The following NRXN3 variants were observed in gnomAD, a reference collection of about 807,000 sequenced individuals.
NRXN3 encodes the protein neurexin III.
In NRXN3, 32 loss-of-function variants were observed where a neutral mutation model predicts 137.6. That is an observed-to-expected ratio of 0.23 (90% CI 0.18 to 0.31). The LOEUF (loss-of-function observed/expected upper bound fraction) is 0.31, where lower values mean the gene tolerates loss of function less well. NRXN3 is among the 10% of genes least tolerant of loss of function. NRXN3 has a pLI of 1.00. For missense variants in NRXN3, 1,574 were observed against 2,062.5 expected, an observed-to-expected ratio of 0.76 and a Z score of 4.59; for synonymous variants, 798 against 784.5, an observed-to-expected ratio of 1.02 and a Z score of -0.29.
intron 15 of NRXN3, among the ~76,000 whole-genome samples, chr14:79,408,578 C>T (rs2095357289): frequency 6.6e-6 from 1 of 152,058 alleles, no homozygotes. Flanking sequence ...GCATTTGCAG[C>T]CACCCAATGA....
At chr14:78,531,797 C>G (rs1209546100) in intron 4 of NRXN3, among the ~76,000 whole-genome samples, 1 of 152,104 alleles carries the variant, frequency 6.6e-6, no homozygotes, top group Non-Finnish European at 1.5e-5. Context: ...CTTAGGGAAA[C>G]TGTAGACACT....
At chr14:78,263,535 G>T (rs1056495837) in intron 2 of NRXN3, among the ~76,000 whole-genome samples, 4 of 152,034 alleles carry the variant, frequency 2.6e-5, no homozygotes, top group African/African-American at 9.7e-5. Flanking sequence ...ATAATTCCTC[G>T]ATTCATTTTT....
At chr14:79,221,865 C>T (rs1396696246) in intron 15 of NRXN3, among the ~76,000 whole-genome samples, 3 of 152,110 alleles carry the variant, frequency 2.0e-5, no homozygotes, top group African/African-American at 7.2e-5. Context: ...AAGTTTTCTT[C>T]TAGAGTTTTT....
chr14:78,846,080 A>G (rs891393283), intron 10 of NRXN3, among the ~76,000 whole-genome samples: 2 of 152,056 alleles, frequency 1.3e-5, no homozygotes, highest in Non-Finnish European at 2.9e-5. Flanking sequence ...GACTTCAAGA[A>G]CATCTGCTTC....
chr14:78,685,420 TTGC>T (rs905494071), intron 6 of NRXN3, among the ~76,000 whole-genome samples: 7 of 152,100 alleles, frequency 4.6e-5, no homozygotes, highest in African/African-American at 1.7e-4. Context: ...AATCTGGCCC[TTGC>T]TGCCTCTCTA....
intron 10 of NRXN3, among the ~76,000 whole-genome samples, chr14:78,860,630 G>A (rs1223888330): frequency 6.6e-6 from 1 of 152,004 alleles, no homozygotes; most frequent in African/African-American, 2.4e-5. Context: ...ATTATATACT[G>A]TATTCTTACA....
intron 4 of NRXN3, among the ~76,000 whole-genome samples, chr14:78,494,160 G>C (rs1156973375): frequency 6.6e-6 from 1 of 152,134 alleles, no homozygotes; most frequent in East Asian, 1.9e-4. Context: ...TACTTTTTGA[G>C]ATATTATTGA....
At chr14:79,784,830 GC>G (rs746081973) in intron 19 of NRXN3, among the ~76,000 whole-genome samples, 5 of 151,904 alleles carry the variant, frequency 3.3e-5, no homozygotes, top group Non-Finnish European at 7.4e-5. Context: ...ATGCACATGT[GC>G]ACACAGACAC....
At chr14:78,749,718 A>C (rs1257182256) in intron 8 of NRXN3, among the ~76,000 whole-genome samples, 1 of 152,186 alleles carries the variant, frequency 6.6e-6, no homozygotes, top group Non-Finnish European at 1.5e-5. Context: ...AGAAACATCC[A>C]ACTCTGTCCC....
chr14:79,209,646 T>A (rs2067340625), intron 15 of NRXN3, among the ~76,000 whole-genome samples: 1 of 152,188 alleles, frequency 6.6e-6, no homozygotes, highest in African/African-American at 2.4e-5. Flanking sequence ...TCTTTGTTTA[T>A]TACTTTATTG....
chr14:78,979,466 A>G (rs2153041168), intron 14 of NRXN3, among the ~76,000 whole-genome samples: 1 of 152,284 alleles, frequency 6.6e-6, no homozygotes, highest in East Asian at 1.9e-4. Flanking sequence ...ATCTATGTAT[A>G]TTCATCTTTT....
At chr14:79,517,355 A>G (rs1361443866) in intron 16 of NRXN3, among the ~76,000 whole-genome samples, 2 of 152,182 alleles carry the variant, frequency 1.3e-5, no homozygotes, top group Non-Finnish European at 2.9e-5. Context: ...GATTTCTACT[A>G]GAGAGACTAA....
chr14:78,319,096 G>T (rs2079038355), intron 4 of NRXN3, among the ~76,000 whole-genome samples: 1 of 152,184 alleles, frequency 6.6e-6, no homozygotes, highest in African/African-American at 2.4e-5. Flanking sequence ...TGCAAGTGAG[G>T]GCATCTGCTT....
chr14:79,066,274 G>T (rs1296777973), intron 15 of NRXN3, among the ~76,000 whole-genome samples: 1 of 152,076 alleles, frequency 6.6e-6, no homozygotes, highest in Non-Finnish European at 1.5e-5. Context: ...GTTTTTGTCA[G>T]ATTTGTCAAA....
chr14:78,197,142 C>T (rs921217104), intron 1 of NRXN3, among the ~76,000 whole-genome samples: 7 of 152,294 alleles, frequency 4.6e-5, no homozygotes, highest in Admixed American at 2.6e-4. Context: ...GAGCTCTGCC[C>T]GTGGCTCTGT....
intron 4 of NRXN3, among the ~76,000 whole-genome samples, chr14:78,576,089 T>C (rs2096933051): frequency 6.6e-6 from 1 of 152,228 alleles, no homozygotes; most frequent in South Asian, 2.1e-4. Context: ...TGACATGTAT[T>C]AGTCATGCAC....
chr14:78,813,599 T>G (rs181308956), intron 10 of NRXN3, among the ~76,000 whole-genome samples: 2 of 152,322 alleles, frequency 1.3e-5, no homozygotes, highest in East Asian at 3.9e-4. Context: ...TCAGTCATTC[T>G]TTTTTAGAAT....
At chr14:79,578,690 T>C (rs1380585575) in intron 16 of NRXN3, among the ~76,000 whole-genome samples, 1 of 152,180 alleles carries the variant, frequency 6.6e-6, no homozygotes, top group Non-Finnish European at 1.5e-5. Context: ...AACCACATTT[T>C]AGTTCTTCCA....
At chr14:78,218,999 C>T (rs1303056616) in intron 1 of NRXN3, among the ~76,000 whole-genome samples, 1 of 152,188 alleles carries the variant, frequency 6.6e-6, no homozygotes, top group Admixed American at 6.5e-5. Flanking sequence ...TGCTTTCCCT[C>T]TGCGTGTATC....
Sources: allele counts gnomAD v4.1 joint callset (sites outside exome capture counted in the v4.1 genomes callset), GRCh38; gene constraint gnomAD v4.1.1; transcripts MANE v1.5; gene names NCBI Gene and HGNC (gene_info 2026-07-23, HGNC 2026-07-21).